Variants in MACC1 observed in about 807,000 individuals in gnomAD.
MACC1 encodes the protein MET transcriptional regulator MACC1, also known as metastasis-associated in colon cancer protein 1.
MACC1 carries 79 observed loss-of-function variants against 70.7 expected under a neutral mutation model. The ratio of observed to expected loss-of-function variants is 1.12; its 90% CI spans 0.93 to 1.35. The LOEUF is 1.35. Among genes scored for constraint, MACC1 ranks in the 40% most tolerant of loss-of-function variants. The pLI, the probability that MACC1 is intolerant of heterozygous loss-of-function variation, is 0.00. For missense variants in MACC1, 1,106 were observed against 978.1 expected (o/e 1.13, Z -1.74); for synonymous variants, 361 against 347.2 (o/e 1.04, Z -0.44).
At chr7:20,216,635 G>A (rs1783074692) in intron 1 of MACC1, among the ~76,000 whole-genome samples, 1 of 152,064 alleles carries the variant, frequency 6.6e-6, no homozygotes, top group African/African-American at 2.4e-5. Context: ...TGTTTTCCAA[G>A]CTTAATTGAA....
At chr7:20,202,487 C>T (rs1782847035) in intron 1 of MACC1, among the ~76,000 whole-genome samples, 1 of 152,026 alleles carries the variant, frequency 6.6e-6, no homozygotes, top group Admixed American at 6.6e-5. Context: ...AAAATGGGAC[C>T]CGGAACCAAA....
chr7:20,186,551 T>TATAA (rs1427973047), intron 1 of MACC1, among the ~76,000 whole-genome samples: 1 of 152,056 alleles, frequency 6.6e-6, no homozygotes, highest in East Asian at 1.9e-4. Flanking sequence ...ATTAGTCTAT[T>TATAA]ATAGTTAAAT....
Position 20,158,225 on chromosome 7 carries a change from C to G in MACC1, c.2136G>C (p.Lys712Asn), listed in dbSNP as rs374793406. The change falls in exon 5 of 7, where the codon AAG becomes AAC. Residue 712 changes from lysine to asparagine, a missense_variant. Physicochemically the swap from Lys to Asn is moderately conservative, Grantham distance 94. Transcript: ENST00000400331. ...EDCHTERNTR[K>N]FLYELIVALL... ...TCACCACAATAAGTTCATACAGAAA[C>G]TTCCTTGTATTTCTCTCTGTGTGGC... 6 of 1,583,782 alleles carry G rather than the reference C, an allele frequency of 3.8e-6. No individual in the cohort carries two copies. In the African/African-American group the frequency reaches 8.2e-5, roughly 22 times the overall value.
chr7:20,166,152 T>C (rs1782214613), intron 2 of MACC1, among the ~76,000 whole-genome samples: 1 of 152,210 alleles, frequency 6.6e-6, no homozygotes, highest in Non-Finnish European at 1.5e-5. Context: ...AGTGCTTGAA[T>C]ACCTGAAACC....
chr7:20,205,023 T>A (rs1369551656), intron 1 of MACC1, among the ~76,000 whole-genome samples: 5 of 152,206 alleles, frequency 3.3e-5, no homozygotes. Flanking sequence ...AATGAGCAAG[T>A]TTCGGTAAAT....
chr7:20,169,441 A>G (rs962666984), intron 2 of MACC1, among the ~76,000 whole-genome samples: 9 of 152,184 alleles, frequency 5.9e-5, no homozygotes, highest in African/African-American at 2.2e-4. Context: ...GAAGGGGTGG[A>G]CAAGACGTGG....
chr7:20,158,380 C>T lies in MACC1; in HGVS notation c.1981G>A (p.Val661Ile), dbSNP rs753826556. The T allele has an allele frequency of 3.1e-6, 5 of 1,613,666 alleles. No individual in the cohort carries two copies. Among genetic ancestry groups the T allele is most frequent in the Non-Finnish European group, 4.2e-6 (5 of 1,179,924 alleles). Residue 661 changes from valine (V) to isoleucine (I), a missense_variant, in exon 5 of 7, where the codon GTT (valine) becomes ATT (isoleucine). Val to Ile is a conservative substitution (Grantham distance 29). Coordinates refer to ENST00000400331, the MANE Select transcript of MACC1 (RefSeq NM_182762.4). ...TCAGCTAAAACTTTCCAATCATAAA[C>T]TTTTTCTGACACCAAGGTTAATACA... ...SVVLTLVSEK[V>I]YDWKVLADVL...
intron 6 of MACC1, 147 bp downstream of exon 6, chr7:20,154,046 C>G: frequency 1.4e-6 from 1 of 723,122 alleles, no homozygotes; most frequent in Non-Finnish European, 2.3e-6. Context: ...TCAGATAGTA[C>G]TGATGAGTTA....
At chr7:20,142,657 A>G (rs1346305849) in intron 6 of MACC1, among the ~76,000 whole-genome samples, 1 of 152,242 alleles carries the variant, frequency 6.6e-6, no homozygotes, top group Non-Finnish European at 1.5e-5. Flanking sequence ...CAACAATGGA[A>G]TATCAGTTGA....
intron 5 of MACC1, among the ~76,000 whole-genome samples, chr7:20,155,341 C>T (rs549418187): frequency 7.0e-4 from 106 of 152,286 alleles, no homozygotes; most frequent in African/African-American, 2.5e-3. Context: ...TTTTCCTATA[C>T]ATACACACCT....
At position 20,143,310 on chromosome 7, in the gene MACC1, C is replaced by T. The variant is rs532461418; in HGVS notation, c.2347-2152G>A. Among the ~76,000 whole-genome samples the T allele has an allele frequency of 8.8e-4, 134 of 152,336 alleles. 1 individual carries two copies. The highest frequency in any genetic ancestry group is 7.2e-4 in the Non-Finnish European group (49 of 68,028). On this transcript the variant is annotated intron_variant, in intron 6 of 6. Transcript: ENST00000400331. Reference sequence around the variant, plus strand: ...AACTACAGATTCAGGAAAGGTCCGACGACACATCTACTCATGCACTTACGC... The same window carrying T: ...AACTACAGATTCAGGAAAGGTCCGATGACACATCTACTCATGCACTTACGC...
chr7:20,205,257 A>T (rs1228498107), intron 1 of MACC1, among the ~76,000 whole-genome samples: 1 of 152,254 alleles, frequency 6.6e-6, no homozygotes. Context: ...ATACAATTAA[A>T]GTTAGGTGCT....
rs1236600841 is a variant in MACC1 at position 20,154,327 on chromosome 7, C to A, written c.2212G>T (p.Ala738Ser). ...ELVARLIQEA[A>S]VLTSAVKLGK... ...AGCTTGACAGCTGAAGTCAGAACAG[C>A]AGCTTCTTGGATGAGACGTGCGACT... Residue 738 changes from alanine (A) to serine (S), a missense_variant, in exon 6 of 7, where the codon GCT becomes TCT. Ala to Ser is a moderately conservative substitution (Grantham distance 99, BLOSUM62 1). Coordinates refer to ENST00000400331, the MANE Select transcript of MACC1 (RefSeq NM_182762.4). 6.2e-7 allele frequency: 1 copy of A among 1,613,946 alleles called. No homozygotes were observed. Among genetic ancestry groups the A allele is most frequent in the Non-Finnish European group, 8.5e-7 (1 of 1,179,918 alleles).
intron 6 of MACC1, among the ~76,000 whole-genome samples, chr7:20,142,354 C>T (rs115869116): frequency 0.017 from 2,577 of 152,258 alleles, 88 homozygotes; most frequent in African/African-American, 0.059. Context: ...TGTTATTTGT[C>T]CAAACTGGCA....
chr7:20,182,799 C>T (rs551311632), intron 1 of MACC1, among the ~76,000 whole-genome samples: 19 of 152,110 alleles, frequency 1.2e-4, no homozygotes, highest in Non-Finnish European at 2.5e-4. Context: ...GGCCCTTTCA[C>T]AGAATAGACA....
At chr7:20,199,298 AAG>A (rs1782799940) in intron 1 of MACC1, among the ~76,000 whole-genome samples, 1 of 152,280 alleles carries the variant, frequency 6.6e-6, no homozygotes, top group African/African-American at 2.4e-5. Context: ...TCCACAGATA[AAG>A]AGTTGGCAAG....
At chr7:20,170,005 A>C (rs1782279603) in intron 2 of MACC1, among the ~76,000 whole-genome samples, 2 of 152,186 alleles carry the variant, frequency 1.3e-5, no homozygotes. Context: ...GATAGCTTAC[A>C]AGTTGTGTCT....
intron 1 of MACC1, among the ~76,000 whole-genome samples, chr7:20,204,749 A>G (rs1398495934): frequency 6.6e-6 from 1 of 152,246 alleles, no homozygotes; most frequent in Non-Finnish European, 1.5e-5. Context: ...TTGCATTCAC[A>G]CTGTAAGTTT....
chr7:20,204,137 T>G lies in MACC1; in HGVS notation c.-218+13162A>C, dbSNP rs116543172. ...ATTGAAGCCTGAATTTATTGCTCAA[T>G]TTATTGCTCAATTCTTTTTGTTTGT... is the stretch of plus-strand genomic sequence containing the variant. On this transcript the variant is annotated intron_variant, in intron 1 of 6. Transcript: ENST00000400331. Among the ~76,000 whole-genome samples the G allele has an allele frequency of 3.0e-3, 457 of 152,288 alleles. 3 individuals carry two copies. Among genetic ancestry groups the G allele is most frequent in the African/African-American group, 9.7e-3 (405 of 41,556 alleles).
Sources: allele counts gnomAD v4.1 joint callset (sites outside exome capture counted in the v4.1 genomes callset), GRCh38; gene constraint gnomAD v4.1.1; transcripts MANE v1.5; gene names NCBI Gene and HGNC (gene_info 2026-07-23, HGNC 2026-07-21).